Variants in DNAAF5 observed in about 807,000 individuals in gnomAD.
DNAAF5 encodes dynein axonemal assembly factor 5, also known as HEAT repeat containing 2.
Under a neutral mutation model 75.8 loss-of-function variants are expected in DNAAF5, and 64 were observed. The observed-to-expected ratio is 0.84, with a 90% CI of 0.69 to 1.04. The LOEUF (loss-of-function observed/expected upper bound fraction) is 1.04. DNAAF5 is among the 50% of genes least tolerant of loss of function. The probability of loss-of-function intolerance (pLI) is 0.00; values close to 1 mark genes in which losing one functional copy is unlikely to be tolerated. For synonymous variants in DNAAF5, 657 were observed against 557.2 expected, an observed-to-expected ratio of 1.18 and a Z score of -2.52; for missense variants, 1,269 against 1,178.5, an observed-to-expected ratio of 1.08 and a Z score of -1.12.
rs1779144502 is a variant in DNAAF5, at chr7:786,333, G to A, written c.*680G>A. On this transcript the variant is annotated 3_prime_UTR_variant, in exon 13 of 13. Coordinates refer to ENST00000297440, the MANE Select transcript of DNAAF5 (RefSeq NM_017802.4). ...TCCCTCTCGCACATTCTACACCCAA[G>A]TGCCTAAAAGATCTCATTGTAAGTG... is the stretch of plus-strand genomic sequence containing the variant. 1 of 152,200 alleles carries A rather than the reference G, an allele frequency of 6.6e-6. No homozygotes were observed. Among genetic ancestry groups the A allele is most frequent in the African/African-American group, 2.4e-5 (1 of 41,450 alleles). The allele number at this position is 152,200 out of a possible 1,614,324, so 9.4% of individuals were successfully genotyped here. A position where few individuals can be genotyped will look rare whatever the true frequency, so the allele number is the denominator to read the frequency against.
At chr7:747,081 C>T in intron 4 of DNAAF5, among the ~76,000 whole-genome samples, 1 of 152,234 alleles carries the variant, frequency 6.6e-6, no homozygotes, top group East Asian at 1.9e-4. Flanking sequence ...ACAGGTAAAG[C>T]TGATGTAAAC....
At chr7:735,468 G>A (rs911112686) in intron 2 of DNAAF5, among the ~76,000 whole-genome samples, 40 of 150,192 alleles carry the variant, frequency 2.7e-4, no homozygotes, top group East Asian at 5.9e-4. Flanking sequence ...AGCTGCTCCC[G>A]GTGTAGCTGC....
At chr7:782,160 G>T (rs553110892) in intron 12 of DNAAF5, among the ~76,000 whole-genome samples, 1 of 147,136 alleles carries the variant, frequency 6.8e-6, no homozygotes, top group Non-Finnish European at 1.5e-5. Flanking sequence ...TCGGATCTTC[G>T]CGGCGTGGCC....
At chr7:766,154 T>C (rs1782814397) in intron 8 of DNAAF5, among the ~76,000 whole-genome samples, 2 of 152,204 alleles carry the variant, frequency 1.3e-5, no homozygotes, top group Non-Finnish European at 2.9e-5. Flanking sequence ...CCAATGATGA[T>C]TATGTTCTCT....
chr7:783,342 G>C (rs1212219260), intron 12 of DNAAF5, among the ~76,000 whole-genome samples: 1 of 152,216 alleles, frequency 6.6e-6, no homozygotes, highest in Non-Finnish European at 1.5e-5. Context: ...TGTGCTCGAG[G>C]GTGAGTGTGG....
chr7:729,968 A>G (rs1583472324), intron 2 of DNAAF5, 121 bp downstream of exon 2: 1 of 927,226 alleles, frequency 1.1e-6, no homozygotes, highest in Non-Finnish European at 1.6e-6. Context: ...ATGTCCTTTC[A>G]TTATTCCTAG....
intron 8 of DNAAF5, among the ~76,000 whole-genome samples, chr7:766,727 C>T (rs147009258): frequency 3.2e-4 from 49 of 152,168 alleles, no homozygotes; most frequent in Non-Finnish European, 6.2e-4. Context: ...AGGAGGCTCA[C>T]GTGAGCTCAG....
intron 4 of DNAAF5, among the ~76,000 whole-genome samples, chr7:749,885 G>C (rs1169577646): frequency 2.0e-5 from 3 of 152,154 alleles, no homozygotes; most frequent in Non-Finnish European, 4.4e-5. Context: ...TTTTAGTAGA[G>C]ACAGGGTTTC....
chr7:728,927 G>C (rs1330199003), intron 1 of DNAAF5, among the ~76,000 whole-genome samples: 4 of 152,000 alleles, frequency 2.6e-5, no homozygotes, highest in Non-Finnish European at 5.9e-5. Context: ...CCGTTTCCCA[G>C]ACGGGCCCCA....
intron 11 of DNAAF5, among the ~76,000 whole-genome samples, chr7:779,745 C>T (rs1778873432): frequency 1.3e-5 from 2 of 152,206 alleles, no homozygotes; most frequent in Non-Finnish European, 2.9e-5. Context: ...TGGGCCGCCT[C>T]CACTCTGTTG....
intron 9 of DNAAF5, among the ~76,000 whole-genome samples, chr7:773,486 C>T (rs773162289): frequency 4.6e-5 from 7 of 152,026 alleles, no homozygotes; most frequent in Non-Finnish European, 8.8e-5. Context: ...AGGACGAAGT[C>T]GCCGACAGGG....
chr7:765,328 C>G (rs550262814), intron 8 of DNAAF5, among the ~76,000 whole-genome samples: 62 of 152,352 alleles, frequency 4.1e-4, no homozygotes, highest in African/African-American at 1.5e-3. Context: ...GAGCCTCCCT[C>G]AGCCCCTCTC....
intron 2 of DNAAF5, among the ~76,000 whole-genome samples, chr7:739,024 C>T (rs571269024): frequency 2.4e-4 from 37 of 152,258 alleles, no homozygotes; most frequent in Admixed American, 5.9e-4. Flanking sequence ...GCCCATCTCC[C>T]GGAGAGGGCC....
intron 11 of DNAAF5, among the ~76,000 whole-genome samples, chr7:776,991 G>A (rs999081240): frequency 1.3e-4 from 20 of 152,164 alleles, no homozygotes; most frequent in Non-Finnish European, 2.5e-4. Context: ...CTGTGCACGC[G>A]AGGGATCCAA....
At chr7:771,287 C>T (rs574166972) in intron 9 of DNAAF5, 1 of 152,410 alleles carries the variant, frequency 6.6e-6, no homozygotes, top group South Asian at 2.1e-4. Context: ...CCTCTAGGAG[C>T]ACTGGGAGGG....
intron 8 of DNAAF5, among the ~76,000 whole-genome samples, chr7:766,776 C>T (rs958067077): frequency 6.6e-6 from 1 of 152,192 alleles, no homozygotes; most frequent in African/African-American, 2.4e-5. Flanking sequence ...TACCACTGCA[C>T]TCCAGCCCGG....
intron 6 of DNAAF5, among the ~76,000 whole-genome samples, chr7:760,079 TCCTCCAGCTCTGAGGGAGACGGGGC>T: frequency 8.7e-5 from 1 of 11,510 alleles, no homozygotes. Flanking sequence ...GCCGCGCGGC[TCCTCCAGCTCTGAGGGAGACGGGGC>T]CGCGCGGCTC....
In DNAAF5 at chr7:761,792, C is replaced by G. The variant is rs1393813057; in HGVS notation, c.1510C>G (p.Leu504Val). Reference protein sequence around the residue: ...LERLLLCVQALVSVCHEDCGV... With the variant: ...LERLLLCVQAVVSVCHEDCGV... ...GCGCCTGCTGCTGTGTGTGCAGGCTCTGGTGTCTGTGTGTCATGAGGACTG... is the reference window on the plus strand; with the variant it reads ...GCGCCTGCTGCTGTGTGTGCAGGCTGTGGTGTCTGTGTGTCATGAGGACTG... The change falls in exon 7 of 13, where the codon CTG becomes GTG. Residue 504 changes from leucine to valine, a missense_variant. Physicochemically the swap from Leu to Val is conservative, Grantham distance 32 (BLOSUM62 1). Coordinates refer to ENST00000297440, the MANE Select transcript of DNAAF5 (RefSeq NM_017802.4). The G allele has an allele frequency of 1.9e-6, 3 of 1,608,890 alleles. No individual in the cohort carries two copies. Among genetic ancestry groups the G allele is most frequent in the African/African-American group, 1.3e-5 (1 of 74,774 alleles).
At chr7:753,011 C>T (rs1167467919) in intron 4 of DNAAF5, among the ~76,000 whole-genome samples, 1 of 152,202 alleles carries the variant, frequency 6.6e-6, no homozygotes, top group African/African-American at 2.4e-5. Flanking sequence ...CACGGAAATG[C>T]CACTGTGCCT....
Sources: gnomAD v4.1 joint callset for allele counts (sites outside exome capture counted in the v4.1 genomes callset) on GRCh38, gnomAD v4.1.1 for gene constraint, MANE v1.5 for transcripts, NCBI Gene and HGNC (gene_info 2026-07-23, HGNC 2026-07-21) for gene names.